Variants in ZNF680 observed in about 807,000 individuals in gnomAD.
The protein encoded by ZNF680 is zinc finger protein 680, also known as hypothetical protein FLJ90430.
In ZNF680, 6 loss-of-function variants were observed where a neutral mutation model predicts 12.1. The observed-to-expected ratio is 0.49, with a 90% CI of 0.27 to 0.98. The LOEUF is 0.98. ZNF680 is among the 50% of genes least tolerant of loss of function. ZNF680 has a pLI of 0.12. For synonymous variants in ZNF680, 170 were observed against 199.3 expected, an observed-to-expected ratio of 0.85 and a Z score of 1.24; for missense variants, 561 against 616.3, an observed-to-expected ratio of 0.91 and a Z score of 0.95.
intron 1 of ZNF680, among the ~76,000 whole-genome samples, chr7:64,550,206 A>C (rs555151956): frequency 1.3e-5 from 2 of 152,364 alleles, no homozygotes; most frequent in African/African-American, 4.8e-5. Context: ...CAAAAATAAA[A>C]TCGATTACTA....
intron 1 of ZNF680, 50 bp from the exon 2 acceptor site, chr7:64,544,482 A>T: frequency 6.4e-7 from 1 of 1,567,720 alleles, no homozygotes; most frequent in Non-Finnish European, 8.7e-7. Context: ...TTATATATTT[A>T]CTAAATGACC....
chr7:64,518,404 G>A (rs377414108), downstream of ZNF680, among the ~76,000 whole-genome samples: 2 of 151,930 alleles, frequency 1.3e-5, no homozygotes, highest in Admixed American at 6.6e-5. Context: ...ACAAAACACT[G>A]CTAAAAGAAA....
chr7:64,526,441 C>A, intron 3 of ZNF680: 1 of 1,480,628 alleles, frequency 6.8e-7, no homozygotes, highest in Non-Finnish European at 9.1e-7. Flanking sequence ...TGTAATCCCA[C>A]ATCTTTAGGG....
At chr7:64,536,170 T>C (rs1191005438) in intron 3 of ZNF680, among the ~76,000 whole-genome samples, 1 of 152,130 alleles carries the variant, frequency 6.6e-6, no homozygotes, top group Non-Finnish European at 1.5e-5. Context: ...ATTGTAGATA[T>C]CAAGACCCCA....
the ZNF680 span, among the ~76,000 whole-genome samples, chr7:64,510,771 G>A: frequency 2.3e-5 from 3 of 132,156 alleles, no homozygotes; most frequent in South Asian, 5.3e-4. Flanking sequence ...TTAGCCGGGC[G>A]TAGTGGCGGG....
chr7:64,549,500 T>A (rs941140248), intron 1 of ZNF680, among the ~76,000 whole-genome samples: 1 of 152,198 alleles, frequency 6.6e-6, no homozygotes, highest in Non-Finnish European at 1.5e-5. Context: ...CTGTACATTC[T>A]CAATCCTAAG....
At chr7:64,499,282 G>A in the ZNF680 span, among the ~76,000 whole-genome samples, 1 of 152,098 alleles carries the variant, frequency 6.6e-6, no homozygotes, top group African/African-American at 2.4e-5. Flanking sequence ...ACAGCCCTGG[G>A]GGAAATAGTA....
At chr7:64,515,016 C>T (rs1562726150), downstream of ZNF680, among the ~76,000 whole-genome samples, 1 of 151,264 alleles carries the variant, frequency 6.6e-6, no homozygotes, top group South Asian at 2.1e-4. Flanking sequence ...GCACTCCAGC[C>T]TGGGCAACAA....
the ZNF680 span, among the ~76,000 whole-genome samples, chr7:64,502,009 T>C: frequency 7.2e-5 from 8 of 111,136 alleles, no homozygotes; most frequent in Non-Finnish European, 5.5e-5. Flanking sequence ...TTTTTTTTTT[T>C]TTTTTTTTTT....
Position 64,563,054 on chromosome 7 carries a change from C to A in ZNF680, c.-100G>T. On this transcript the variant is annotated 5_prime_UTR_variant, in exon 1 of 4. Transcript: ENST00000309683. Reference sequence around the variant, plus strand: ...AGCAGTAAAGACTAGACCTGGAGCTCCCGCAGCAGCTAGAGACAAAGGCCC... The same window carrying A: ...AGCAGTAAAGACTAGACCTGGAGCTACCGCAGCAGCTAGAGACAAAGGCCC... 7.1e-7 allele frequency: 1 copy of A among 1,415,508 alleles called. No individual in the cohort carries two copies. Among genetic ancestry groups the A allele is most frequent in the African/African-American group, 1.4e-5 (1 of 70,512 alleles). The allele number at this position is 1,415,508 out of a possible 1,614,324, so 87.7% of individuals were successfully genotyped here.
chr7:64,515,203 C>T (rs1267135841), downstream of ZNF680, among the ~76,000 whole-genome samples: 1 of 152,102 alleles, frequency 6.6e-6, no homozygotes, highest in African/African-American at 2.4e-5. Context: ...TTCTCTCAGC[C>T]TAGCTCCTCT....
chr7:64,545,157 G>C (rs1185443637), intron 1 of ZNF680, among the ~76,000 whole-genome samples: 1 of 151,520 alleles, frequency 6.6e-6, no homozygotes, highest in African/African-American at 2.4e-5. Flanking sequence ...CCAGCTACTT[G>C]GGAGGCTGAG....
intron 1 of ZNF680, among the ~76,000 whole-genome samples, chr7:64,545,136 C>T (rs780075485): frequency 1.3e-5 from 2 of 151,778 alleles, no homozygotes; most frequent in East Asian, 1.9e-4. Flanking sequence ...CAATGATGTG[C>T]GTCTGTAATT....
intron 3 of ZNF680, among the ~76,000 whole-genome samples, chr7:64,537,792 T>C (rs1390816139): frequency 3.3e-5 from 5 of 151,838 alleles, no homozygotes; most frequent in Non-Finnish European, 7.4e-5. Flanking sequence ...TAGCCGGGCG[T>C]GGTGGCGGGC....
chr7:64,544,143 T>G (rs1786653385), intron 2 of ZNF680, 163 bp downstream of exon 2: 1 of 1,033,698 alleles, frequency 9.7e-7, no homozygotes, highest in African/African-American at 1.6e-5. Context: ...AGATGAAACG[T>G]ACTGAAGGAA....
At chr7:64,562,800 C>T in intron 1 of ZNF680, 125 bp downstream of exon 1, 1 of 1,108,144 alleles carries the variant, frequency 9.0e-7, no homozygotes, top group Non-Finnish European at 1.4e-6. Flanking sequence ...CGAGCTGCGC[C>T]AAGGACAACT....
At chr7:64,548,904 C>A (rs1277669930) in intron 1 of ZNF680, among the ~76,000 whole-genome samples, 1 of 151,820 alleles carries the variant, frequency 6.6e-6, no homozygotes, top group Admixed American at 6.6e-5. Flanking sequence ...GGGCGGATCA[C>A]GAGGTCAGGA....
At chr7:64,559,082 T>G (rs973053680) in intron 1 of ZNF680, among the ~76,000 whole-genome samples, 5 of 151,166 alleles carry the variant, frequency 3.3e-5, no homozygotes, top group African/African-American at 1.2e-4. Flanking sequence ...AAGTCAATCA[T>G]GCATTCCCCC....
At chr7:64,501,011 G>T in the ZNF680 span, 3 of 687,940 alleles carry the variant, frequency 4.4e-6, no homozygotes, top group African/African-American at 5.3e-5. Flanking sequence ...TGAGAGAAAT[G>T]CCCCGGCTGC....
Sources: gnomAD v4.1 joint callset for allele counts (sites outside exome capture counted in the v4.1 genomes callset) on GRCh38, gnomAD v4.1.1 for gene constraint, MANE v1.5 for transcripts, NCBI Gene and HGNC (gene_info 2026-07-23, HGNC 2026-07-21) for gene names.